The following TTC17 variants were observed in gnomAD, a reference collection of about 807,000 sequenced individuals.
TTC17 encodes the protein tetratricopeptide repeat domain 17, also known as tetratricopeptide repeat protein 17.
A neutral mutation model predicts 143.8 loss-of-function variants in TTC17; 58 were observed. The observed-to-expected ratio is 0.40, with a 90% confidence interval of 0.33 to 0.50. The LOEUF is 0.50. Ranked by LOEUF, TTC17 falls within the 20% of genes least tolerant of loss-of-function variation. The pLI is 0.49. For missense variants in TTC17, 1,273 were observed against 1,392.5 expected, an observed-to-expected ratio of 0.91 and a Z score of 1.37; for synonymous variants, 501 against 497.8, an observed-to-expected ratio of 1.01 and a Z score of -0.09.
intron 1 of TTC17, among the ~76,000 whole-genome samples, chr11:43,368,794 T>C (rs1015817375): frequency 6.6e-6 from 1 of 152,338 alleles, no homozygotes; most frequent in East Asian, 1.9e-4. Flanking sequence ...GGAGTTTTCC[T>C]TATGGCCTAC....
intron 5 of TTC17, among the ~76,000 whole-genome samples, chr11:43,394,332 A>G (rs1241924178): frequency 6.6e-6 from 1 of 152,254 alleles, no homozygotes; most frequent in Non-Finnish European, 1.5e-5. Context: ...GCAGAGAAGC[A>G]ATGTATTGCA....
chr11:43,447,960 T>TC, intron 18 of TTC17, 42 bp from the exon 19 acceptor site: 1 of 1,606,350 alleles, frequency 6.2e-7, no homozygotes, highest in Non-Finnish European at 8.5e-7. Flanking sequence ...TGGGTTCTCT[T>TC]CCTTTGCAAT....
chr11:43,452,686 C>A (rs1264959969), intron 21 of TTC17, among the ~76,000 whole-genome samples: 1 of 152,122 alleles, frequency 6.6e-6, no homozygotes, highest in South Asian at 2.1e-4. Flanking sequence ...CCTGTAATCC[C>A]AGCACTTTGG....
chr11:43,447,751 T>C (rs912344951), intron 18 of TTC17: 1 of 373,486 alleles, frequency 2.7e-6, no homozygotes, highest in African/African-American at 2.1e-5. Context: ...TTCATGTTGA[T>C]CAATCTTAAA....
At position 43,404,104 on chromosome 11, in the gene TTC17, C is replaced by A. The variant is rs1858001794; in HGVS notation, c.1439C>A (p.Ser480Tyr). The change falls in exon 11 of 24, where the codon TCT (serine) becomes TAT (tyrosine). Residue 480 changes from serine (S) to tyrosine (Y), a missense_variant. Ser to Tyr is a moderately radical substitution (Grantham distance 144). Around this residue, in one of 3 missense-constraint regions of TTC17, gnomAD observed 878 missense variants for 899.8 expected, o/e 0.98. Coordinates refer to ENST00000039989, the MANE Select transcript of TTC17 (RefSeq NM_018259.6). ...DSVKSSPVAH[S>Y]ILWIWGRDSD... ...GTCAAGTCTTCTCCCGTAGCCCATT[C>A]TATTCTCTGGATTTGGGGCAGGGAC... 3.7e-6 allele frequency: 6 copies of A among 1,613,158 alleles called. No homozygotes were observed. The highest frequency in any genetic ancestry group is 5.1e-6 in the Non-Finnish European group (6 of 1,179,554).
chr11:43,404,129 C>T lies in TTC17; in HGVS notation c.1464C>T (p.Asp488=). 6.2e-7 allele frequency: 1 copy of T among 1,611,830 alleles called. No homozygotes were observed. Residue 488 remains aspartate (D), a synonymous_variant, in exon 11 of 24, where the codon GAC becomes GAT. Coordinates refer to ENST00000039989, the MANE Select transcript of TTC17 (RefSeq NM_018259.6). ...CTATTCTCTGGATTTGGGGCAGGGACTCTGATGCATATAGGGTAAGTTAAT... is the reference window on the plus strand; with the variant it reads ...CTATTCTCTGGATTTGGGGCAGGGATTCTGATGCATATAGGGTAAGTTAAT... ...AHSILWIWGR[D]SDAYRDKQHI...
At chr11:43,397,715 C>T (rs1004582860) in intron 7 of TTC17, among the ~76,000 whole-genome samples, 1 of 152,046 alleles carries the variant, frequency 6.6e-6, no homozygotes, top group Non-Finnish European at 1.5e-5. Flanking sequence ...TAAACTTCTA[C>T]AGGGTACACC....
chr11:43,407,121 TC>T lies in TTC17; in HGVS notation c.1762-15del, dbSNP rs749288380. On this transcript the variant is annotated splice_polypyrimidine_tract_variant and intron_variant, in intron 13 of 23. Transcript: ENST00000039989. ...CTGTTATTTTCAATTGAGTCAGTCT[TC>T]CTTTTGATGTTTCAGATTTTGCTTT... 2.2e-5 allele frequency: 33 copies of T among 1,530,202 alleles called. No homozygotes were observed. Among genetic ancestry groups the T allele is most frequent in the African/African-American group, 2.8e-5 (2 of 71,598 alleles). The allele number at this position is 1,530,202 out of a possible 1,614,324, so 94.8% of individuals were successfully genotyped here.
chr11:43,420,285 T>A (rs1043679678), intron 16 of TTC17, among the ~76,000 whole-genome samples: 4 of 152,204 alleles, frequency 2.6e-5, no homozygotes, highest in Non-Finnish European at 4.4e-5. Context: ...CATAAATTAT[T>A]CCACTGCCAT....
intron 2 of TTC17, among the ~76,000 whole-genome samples, chr11:43,387,032 G>T (rs1857195013): frequency 6.6e-6 from 1 of 152,008 alleles, no homozygotes; most frequent in African/African-American, 2.4e-5. Context: ...GATCCTCTAG[G>T]CTTGGACTCC....
chr11:43,439,156 G>C (rs1229973348), intron 16 of TTC17, among the ~76,000 whole-genome samples: 1 of 152,034 alleles, frequency 6.6e-6, no homozygotes, highest in Non-Finnish European at 1.5e-5. Context: ...ATGGCATCTA[G>C]TCTCTTCATT....
intron 21 of TTC17, among the ~76,000 whole-genome samples, chr11:43,483,307 G>A (rs2134471631): frequency 6.6e-6 from 1 of 152,018 alleles, no homozygotes; most frequent in African/African-American, 2.4e-5. Flanking sequence ...ATTAGAATAA[G>A]GAATGACATA....
intron 16 of TTC17, among the ~76,000 whole-genome samples, chr11:43,417,917 T>C (rs1946812984): frequency 6.6e-6 from 1 of 152,244 alleles, no homozygotes; most frequent in Non-Finnish European, 1.5e-5. Context: ...TTAAATAGTA[T>C]GACCTGGTGG....
intron 18 of TTC17, chr11:43,446,598 T>G (rs1947548147): frequency 1.1e-6 from 1 of 884,866 alleles, no homozygotes; most frequent in African/African-American, 1.8e-5. Flanking sequence ...AGAGTTAATT[T>G]GAAACTCTTC....
chr11:43,406,953 A>G (rs1464537426), intron 13 of TTC17, among the ~76,000 whole-genome samples, 185 bp from the exon 14 acceptor site: 1 of 152,224 alleles, frequency 6.6e-6, no homozygotes, highest in African/African-American at 2.4e-5. Context: ...AAACTATTAC[A>G]TACATGTGAG....
chr11:43,415,126 G>A (rs1041427542), intron 16 of TTC17, among the ~76,000 whole-genome samples: 2 of 152,110 alleles, frequency 1.3e-5, no homozygotes, highest in African/African-American at 4.8e-5. Context: ...TGAAGTCAAA[G>A]TATACAGTTT....
intron 21 of TTC17, chr11:43,466,673 CT>C: frequency 2.7e-6 from 1 of 367,428 alleles, no homozygotes. Context: ...GTCTTGGCAT[CT>C]TGTCCATGGC....
intron 21 of TTC17, among the ~76,000 whole-genome samples, chr11:43,453,415 T>A (rs769743119): frequency 1.3e-5 from 2 of 152,044 alleles, no homozygotes; most frequent in East Asian, 3.8e-4. Context: ...TAATCAGATT[T>A]TTCAACAGCA....
intron 16 of TTC17, among the ~76,000 whole-genome samples, chr11:43,440,127 C>T (rs772915477): frequency 6.6e-6 from 1 of 152,190 alleles, no homozygotes; most frequent in Admixed American, 6.5e-5. Flanking sequence ...CCAGACCTTT[C>T]ACCAAACCAG....
Sources: allele counts gnomAD v4.1 joint callset (sites outside exome capture counted in the v4.1 genomes callset), GRCh38; gene constraint gnomAD v4.1.1; regional missense constraint gnomAD v4.1.1; transcripts MANE v1.5; gene names NCBI Gene and HGNC (gene_info 2026-07-23, HGNC 2026-07-21).